The following DLG2 variants were observed in gnomAD, a reference collection of about 807,000 sequenced individuals.
The protein encoded by DLG2 is discs large MAGUK scaffold protein 2, also known as disks large homolog 2.
In DLG2, 45 loss-of-function variants were observed where a neutral mutation model predicts 132.5. The observed-to-expected ratio is 0.34, with a 90% CI of 0.27 to 0.44. The LOEUF (loss-of-function observed/expected upper bound fraction) is 0.44. Among genes scored for constraint, DLG2 ranks in the 20% least tolerant of loss-of-function variants. The pLI is 1.00. For synonymous variants in DLG2, 424 were observed against 419.6 expected, an observed-to-expected ratio of 1.01 and a Z score of -0.13; for missense variants, 1,045 against 1,196.9, an observed-to-expected ratio of 0.87 and a Z score of 1.87.
intron 6 of DLG2, among the ~76,000 whole-genome samples, chr11:84,642,652 T>C (rs537422159): frequency 6.6e-6 from 1 of 152,278 alleles, no homozygotes; most frequent in African/African-American, 2.4e-5. Flanking sequence ...AGAGAAGACA[T>C]GTACCTGCCT....
chr11:84,913,648 T>C (rs944341393), intron 6 of DLG2, among the ~76,000 whole-genome samples: 1 of 152,174 alleles, frequency 6.6e-6, no homozygotes, highest in Non-Finnish European at 1.5e-5. Context: ...TAGACATGCA[T>C]TCATATACAT....
chr11:84,071,162 G>A (rs140025532), intron 10 of DLG2, among the ~76,000 whole-genome samples: 26 of 152,222 alleles, frequency 1.7e-4, no homozygotes, highest in Non-Finnish European at 2.9e-4. Flanking sequence ...GCACAATCAC[G>A]ACGCACTGAA....
intron 6 of DLG2, among the ~76,000 whole-genome samples, chr11:84,972,174 G>A (rs1334183682): frequency 6.6e-6 from 1 of 152,016 alleles, no homozygotes; most frequent in Non-Finnish European, 1.5e-5. Flanking sequence ...CTTATACAAT[G>A]AACCCTTATG....
At chr11:85,272,178 A>G (rs2077576026) in intron 4 of DLG2, among the ~76,000 whole-genome samples, 2 of 152,062 alleles carry the variant, frequency 1.3e-5, no homozygotes. Flanking sequence ...ATGGTTTTAT[A>G]AAGGGGAGTT....
chr11:84,677,812 G>T (rs1023960170), intron 6 of DLG2, among the ~76,000 whole-genome samples: 1 of 152,032 alleles, frequency 6.6e-6, no homozygotes, highest in Non-Finnish European at 1.5e-5. Flanking sequence ...AGGATTTAGT[G>T]CAGGAGTTTT....
chr11:85,048,545 T>C (rs1156864130), intron 6 of DLG2, among the ~76,000 whole-genome samples: 1 of 152,006 alleles, frequency 6.6e-6, no homozygotes, highest in Non-Finnish European at 1.5e-5. Flanking sequence ...TTAGACTTCT[T>C]TATATTGATT....
intron 5 of DLG2, among the ~76,000 whole-genome samples, chr11:85,132,164 A>G (rs2075763739): frequency 6.6e-6 from 1 of 152,196 alleles, no homozygotes; most frequent in South Asian, 2.1e-4. Flanking sequence ...TCCCACTTTT[A>G]TTTATACTTC....
At chr11:85,373,786 G>A (rs964477179) in intron 3 of DLG2, among the ~76,000 whole-genome samples, 2 of 152,052 alleles carry the variant, frequency 1.3e-5, no homozygotes, top group African/African-American at 4.8e-5. Flanking sequence ...AATTTTCATG[G>A]CCATGGGGCA....
At position 85,217,673 on chromosome 11, in the gene DLG2, T is replaced by C. The variant is rs374164045; in HGVS notation, c.187-63022A>G. Among the ~76,000 whole-genome samples, 12 of 152,300 alleles carry C rather than the reference T, an allele frequency of 7.9e-5. No individual in the cohort carries two copies. The East Asian group carries it at 2.3e-3, about 29-fold the overall frequency. On this transcript the variant is annotated intron_variant, in intron 4 of 27. Coordinates refer to ENST00000376104, the MANE Select transcript of DLG2 (RefSeq NM_001142699.3). The stretch of plus-strand genomic sequence containing the variant: ...CCAGTTGAAACCACTCAATCACAAG[T>C]ACAGCTGAACTCAATTCAAGCATTT...
chr11:84,655,744 T>C (rs2099687432), intron 6 of DLG2, among the ~76,000 whole-genome samples: 1 of 151,704 alleles, frequency 6.6e-6, no homozygotes, highest in Non-Finnish European at 1.5e-5. Flanking sequence ...GTTTGTTTTT[T>C]TTTTTTTTCA....
intron 6 of DLG2, among the ~76,000 whole-genome samples, chr11:85,020,345 T>C (rs1330606609): frequency 1.3e-5 from 2 of 152,228 alleles, no homozygotes; most frequent in Admixed American, 6.5e-5. Flanking sequence ...TTAAGTTCTT[T>C]GTAGATTCTC....
At chr11:83,657,762 A>T (rs370168819) in intron 18 of DLG2, among the ~76,000 whole-genome samples, 3 of 151,860 alleles carry the variant, frequency 2.0e-5, no homozygotes, top group African/African-American at 7.3e-5. Context: ...GGATGGTCTC[A>T]ATCTCCTGAC....
intron 7 of DLG2, among the ~76,000 whole-genome samples, chr11:84,350,842 C>T (rs755144782): frequency 6.6e-6 from 1 of 152,118 alleles, no homozygotes; most frequent in Non-Finnish European, 1.5e-5. Flanking sequence ...TGTTCTTCAT[C>T]TAGGCTTCTA....
At chr11:83,580,898 C>T (rs2096963012) in intron 19 of DLG2, among the ~76,000 whole-genome samples, 1 of 74,314 alleles carries the variant, frequency 1.3e-5, no homozygotes, top group African/African-American at 5.3e-5. Flanking sequence ...CCCCTCCCTT[C>T]CCCTCCCCTC....
intron 15 of DLG2, among the ~76,000 whole-genome samples, chr11:83,910,367 A>T (rs2075829237): frequency 6.6e-6 from 1 of 152,156 alleles, no homozygotes; most frequent in African/African-American, 2.4e-5. Context: ...ATGGTCAGTC[A>T]GTGTTTTCAT....
intron 6 of DLG2, among the ~76,000 whole-genome samples, chr11:84,794,860 G>T (rs1184584512): frequency 6.6e-6 from 1 of 152,238 alleles, no homozygotes; most frequent in Non-Finnish European, 1.5e-5. Context: ...GCCGAGGTGG[G>T]GCTGAGGGCA....
rs561698339 is a variant in DLG2, at chr11:85,512,152, G to A, written c.40+86505C>T. Among the ~76,000 whole-genome samples the A allele has an allele frequency of 2.0e-5, 3 of 152,102 alleles. No individual in the cohort carries two copies. The East Asian group carries it at 5.8e-4, about 29-fold the overall frequency. On this transcript the variant is annotated intron_variant, in intron 3 of 27. Coordinates refer to ENST00000376104, the MANE Select transcript of DLG2 (RefSeq NM_001142699.3). ...AGAACAGGTACAGCAATAAGCACAG[G>A]AGAAAGGGCATCAAATGAAAGATTT...
chr11:83,728,753 TA>T (rs2090477356), intron 18 of DLG2, among the ~76,000 whole-genome samples: 1 of 152,246 alleles, frequency 6.6e-6, no homozygotes, highest in African/African-American at 2.4e-5. Flanking sequence ...ACTCTTGTCT[TA>T]GGCCTAAATC....
At chr11:85,597,888 G>T (rs920486505) in intron 3 of DLG2, among the ~76,000 whole-genome samples, 1 of 148,676 alleles carries the variant, frequency 6.7e-6, no homozygotes, top group East Asian at 1.9e-4. Flanking sequence ...TCATTGTTTA[G>T]TTAGTTGGTT....
Sources: gnomAD v4.1 joint callset for allele counts (sites outside exome capture counted in the v4.1 genomes callset) on GRCh38, gnomAD v4.1.1 for gene constraint, MANE v1.5 for transcripts, NCBI Gene and HGNC (gene_info 2026-07-23, HGNC 2026-07-21) for gene names.